ATP6V1G1: variants seen among roughly 807,000 people sequenced by gnomAD.
The protein encoded by ATP6V1G1 is V-type proton ATPase subunit G 1.
A neutral mutation model predicts 14.2 loss-of-function variants in ATP6V1G1; 14 were observed. The ratio of observed to expected loss-of-function variants is 0.99; its 90% CI spans 0.65 to 1.55. The LOEUF (loss-of-function observed/expected upper bound fraction) is 1.55, where lower values mean the gene tolerates loss of function less well. ATP6V1G1 is among the 40% of genes most tolerant of loss of function. The probability of loss-of-function intolerance (pLI) is 0.00; values close to 1 mark genes in which losing one functional copy is unlikely to be tolerated. For synonymous variants in ATP6V1G1, 65 were observed against 53.3 expected (o/e 1.22, Z -0.96); for missense variants, 137 against 146.4 (o/e 0.94, Z 0.33).
In ATP6V1G1 at chr9:114,592,571, G is replaced by A; in HGVS notation, c.102G>A (p.Lys34=). 6.4e-7 allele frequency: 1 copy of A among 1,567,202 alleles called. No homozygotes were observed. ...AAACAGGAAAGAACCGGAGGCTGAA[G>A]CAGGCCAAAGAAGAAGCTCAGGCTG... The part of the protein sequence containing the change: ...EARKRKNRRL[K]QAKEEAQAEI... Residue 34 remains lysine (K), a synonymous_variant, in exon 2 of 3, where the codon AAG becomes AAA. Coordinates refer to ENST00000374050, the MANE Select transcript of ATP6V1G1 (RefSeq NM_004888.4).
chr9:114,587,784 A>G lies in ATP6V1G1; in HGVS notation c.-55A>G, dbSNP rs559357543. On this transcript the variant is annotated 5_prime_UTR_variant, in exon 1 of 3. Coordinates refer to ENST00000374050, the MANE Select transcript of ATP6V1G1 (RefSeq NM_004888.4). ...GTGGGCGGCTGTGTCAGCTGACCCA[A>G]GGGGCCTTCGAGGTGCCTTAGGCCG... 2.0e-6 allele frequency: 3 copies of G among 1,536,852 alleles called. No individual in the cohort carries two copies. In the African/African-American group the frequency reaches 4.1e-5, roughly 21 times the overall value.
intron 2 of ATP6V1G1, among the ~76,000 whole-genome samples, chr9:114,595,348 TTATAG>T (rs1284228327): frequency 6.6e-6 from 1 of 152,028 alleles, no homozygotes; most frequent in Non-Finnish European, 1.5e-5. Context: ...ATATGAACAG[TTATAG>T]TATAGTATGA....
intron 2 of ATP6V1G1, among the ~76,000 whole-genome samples, chr9:114,596,095 A>G (rs1845234694): frequency 6.6e-6 from 1 of 152,106 alleles, no homozygotes; most frequent in South Asian, 2.1e-4. Context: ...GCTAAGAGAA[A>G]CTGAAGAGGT....
At chr9:114,596,217 A>G (rs1845235921) in intron 2 of ATP6V1G1, among the ~76,000 whole-genome samples, 1 of 152,046 alleles carries the variant, frequency 6.6e-6, no homozygotes, top group Non-Finnish European at 1.5e-5. Flanking sequence ...CCCTGTCTCT[A>G]CTAAAAACAC....
chr9:114,594,485 A>G (rs1845215824), intron 2 of ATP6V1G1, among the ~76,000 whole-genome samples: 2 of 149,792 alleles, frequency 1.3e-5, no homozygotes, highest in Non-Finnish European at 3.0e-5. Context: ...CCAGGTTCAA[A>G]TGATTCTCCT....
chr9:114,597,059 T>C (rs1030004400), intron 2 of ATP6V1G1, among the ~76,000 whole-genome samples: 11 of 149,612 alleles, frequency 7.4e-5, no homozygotes, highest in South Asian at 4.3e-4. Flanking sequence ...GGCGCGATCT[T>C]GGCTCACTGC....
rs147009891 is a variant in ATP6V1G1 at position 114,592,535 on chromosome 9, C to A, written c.83-17C>A. 322 of 1,553,576 alleles carry A rather than the reference C, an allele frequency of 2.1e-4. 1 individual carries two copies. The African/African-American group carries it at 3.9e-3, about 19-fold the overall frequency. On this transcript the variant is annotated splice_polypyrimidine_tract_variant and intron_variant, in intron 1 of 2. Coordinates refer to ENST00000374050, the MANE Select transcript of ATP6V1G1 (RefSeq NM_004888.4). Reference sequence around the variant, plus strand: ...CTTTTAACCACTTCCTGATATAGCTCTCTCCTTTGAAAACAGGAAAGAACC... The same window carrying A: ...CTTTTAACCACTTCCTGATATAGCTATCTCCTTTGAAAACAGGAAAGAACC...
At chr9:114,589,609 C>T (rs1408049179) in intron 1 of ATP6V1G1, among the ~76,000 whole-genome samples, 1 of 152,208 alleles carries the variant, frequency 6.6e-6, no homozygotes, top group African/African-American at 2.4e-5. Flanking sequence ...TTTGTTCTTG[C>T]TCCGGTGACT....
intron 2 of ATP6V1G1, among the ~76,000 whole-genome samples, chr9:114,595,573 G>A (rs1044122929): frequency 2.0e-5 from 3 of 152,152 alleles, no homozygotes; most frequent in Admixed American, 2.0e-4. Context: ...AGGATGGCTT[G>A]AGCCCAGGAG....
rs112795468 is a variant in ATP6V1G1 at position 114,588,108 on chromosome 9, G to A, written c.82+188G>A. 165 of 635,400 alleles carry A rather than the reference G, an allele frequency of 2.6e-4. No individual in the cohort carries two copies. The African/African-American group carries it at 2.7e-3, about 11-fold the overall frequency. The allele number at this position is 635,400 out of a possible 1,614,324, so 39.4% of individuals were successfully genotyped here. ...GGCTTGCGGATCGCCTGGAAGCCACGATGTGAGATGGTAAATTGGGCGTGG... is the reference window on the plus strand; with the variant it reads ...GGCTTGCGGATCGCCTGGAAGCCACAATGTGAGATGGTAAATTGGGCGTGG... On this transcript the variant is annotated intron_variant, in intron 1 of 2. Transcript: ENST00000374050.
chr9:114,594,065 A>ATT (rs57752605), intron 2 of ATP6V1G1, among the ~76,000 whole-genome samples: 20 of 135,316 alleles, frequency 1.5e-4, no homozygotes, highest in African/African-American at 3.3e-4. Flanking sequence ...CATCATCTTC[A>ATT]TTTTTTTTTT....
intron 1 of ATP6V1G1, among the ~76,000 whole-genome samples, chr9:114,588,510 A>AGT (rs66783144): frequency 0.33 from 48,314 of 146,920 alleles, 7,857 homozygotes; most frequent in African/African-American, 0.39. Flanking sequence ...TGGCAAGCGC[A>AGT]GTGTGTGTGT....
chr9:114,594,740 A>G (rs1845218179), intron 2 of ATP6V1G1, among the ~76,000 whole-genome samples: 1 of 152,016 alleles, frequency 6.6e-6, no homozygotes, highest in African/African-American at 2.4e-5. Flanking sequence ...AGGAGGTCCC[A>G]ATGACATGTG....
chr9:114,591,194 T>A (rs554931666), intron 1 of ATP6V1G1, among the ~76,000 whole-genome samples: 54 of 152,340 alleles, frequency 3.5e-4, no homozygotes, highest in African/African-American at 1.2e-3. Context: ...GAACAAGATT[T>A]AAGAGAAATA....
chr9:114,596,025 T>C (rs1209026884), intron 2 of ATP6V1G1, among the ~76,000 whole-genome samples: 1 of 152,068 alleles, frequency 6.6e-6, no homozygotes, highest in Admixed American at 6.6e-5. Flanking sequence ...AACAAAAAGC[T>C]GGCTGTATTG....
rs1249230456 is a variant in ATP6V1G1 at position 114,598,783 on chromosome 9, A to G, written c.*1040A>G. ...CTTAGCCGAAAGTCTTTGGTTGCAA[A>G]ATCTTATAGGTAAAAACAGTTGAAA... On this transcript the variant is annotated 3_prime_UTR_variant, in exon 3 of 3. Transcript: ENST00000374050. Among the ~76,000 whole-genome samples the G allele has an allele frequency of 9.2e-5, 14 of 152,108 alleles. No homozygotes were observed. Among genetic ancestry groups the G allele is most frequent in the African/African-American group, 2.9e-4 (12 of 41,408 alleles).
At chr9:114,588,185 C>G (rs1845146175) in intron 1 of ATP6V1G1, 4 of 497,330 alleles carry the variant, frequency 8.0e-6, no homozygotes, top group African/African-American at 3.9e-5. Context: ...GAAATGGGCT[C>G]TCCAAACGGA....
Position 114,598,507 on chromosome 9 carries a change from A to G in ATP6V1G1, c.*764A>G, listed in dbSNP as rs1055420697. The G allele has an allele frequency of 3.3e-5, 5 of 152,458 alleles. No homozygotes were observed. Among genetic ancestry groups the G allele is most frequent in the African/African-American group, 1.2e-4 (5 of 41,456 alleles). The allele number at this position is 152,458 out of a possible 1,614,324, so 9.4% of individuals were successfully genotyped here. A position where few individuals can be genotyped will look rare whatever the true frequency, so the allele number is the denominator to read the frequency against. ...GGACATTAGCACACAAATAGCACAC[A>G]TATCACATACCCATTTATATACATA... On this transcript the variant is annotated 3_prime_UTR_variant, in exon 3 of 3. Transcript: ENST00000374050.
intron 2 of ATP6V1G1, among the ~76,000 whole-genome samples, chr9:114,594,404 G>T (rs1237748783): frequency 3.7e-4 from 53 of 145,200 alleles, no homozygotes; most frequent in Non-Finnish European, 7.5e-4. Flanking sequence ...TCCTGTCCGA[G>T]ATGTAGTCTT....
Sources: gnomAD v4.1 joint callset for allele counts (sites outside exome capture counted in the v4.1 genomes callset) on GRCh38, gnomAD v4.1.1 for gene constraint, MANE v1.5 for transcripts, NCBI Gene and HGNC (gene_info 2026-07-23, HGNC 2026-07-21) for gene names.